DPP10: variants seen among roughly 807,000 people sequenced by gnomAD.
The protein encoded by DPP10 is inactive dipeptidyl peptidase 10.
Under a neutral mutation model 120.9 loss-of-function variants are expected in DPP10, and 33 were observed. The observed-to-expected ratio is 0.27, with a 90% confidence interval of 0.21 to 0.37. The LOEUF (loss-of-function observed/expected upper bound fraction) is 0.37, where lower values mean the gene tolerates loss of function less well. DPP10 is among the 10% of genes least tolerant of loss of function. The pLI is 1.00. For synonymous variants in DPP10, 337 were observed against 326.1 expected, an observed-to-expected ratio of 1.03 and a Z score of -0.36; for missense variants, 816 against 942.8, an observed-to-expected ratio of 0.87 and a Z score of 1.76.
intron 19 of DPP10, among the ~76,000 whole-genome samples, chr2:115,806,874 G>T (rs1193771518): frequency 6.6e-6 from 1 of 151,804 alleles, no homozygotes; most frequent in African/African-American, 2.4e-5. Context: ...CAAGCATGTA[G>T]AATATTTTCC....
At chr2:115,038,420 G>A (rs1286695302) in intron 1 of DPP10, among the ~76,000 whole-genome samples, 5 of 151,780 alleles carry the variant, frequency 3.3e-5, no homozygotes, top group African/African-American at 4.8e-5. Flanking sequence ...ACAGGCGCCC[G>A]CCACCACGCC....
intron 1 of DPP10, among the ~76,000 whole-genome samples, chr2:114,765,088 G>T (rs1319925469): frequency 6.6e-6 from 1 of 152,060 alleles, no homozygotes; most frequent in Non-Finnish European, 1.5e-5. Flanking sequence ...TATTCCAAAG[G>T]TTATGAGGGG....
chr2:115,016,108 G>A (rs1702614637), intron 1 of DPP10, among the ~76,000 whole-genome samples: 1 of 152,080 alleles, frequency 6.6e-6, no homozygotes, highest in South Asian at 2.1e-4. Context: ...TATACTACAA[G>A]GCTAAAGTAA....
At chr2:115,351,240 A>G (rs375500856) in intron 3 of DPP10, among the ~76,000 whole-genome samples, 2 of 152,136 alleles carry the variant, frequency 1.3e-5, no homozygotes, top group Admixed American at 1.3e-4. Context: ...TGCAGCAGGA[A>G]GCCATTATCC....
intron 1 of DPP10, among the ~76,000 whole-genome samples, chr2:114,879,692 A>T (rs1691449518): frequency 6.6e-6 from 1 of 152,042 alleles, no homozygotes; most frequent in African/African-American, 2.4e-5. Flanking sequence ...CTTGACAGAA[A>T]ATTGAAAGAA....
rs555955700 is a variant in DPP10, at chr2:115,783,842, G to A, written c.1531+1443G>A. 8.1e-4 allele frequency among the ~76,000 whole-genome samples: 123 copies of A among 152,176 alleles called. 1 individual carries two copies. The highest frequency in any genetic ancestry group is 3.4e-3 in the Middle Eastern group (1 of 294). On this transcript the variant is annotated intron_variant, in intron 17 of 25. Coordinates refer to ENST00000410059, the MANE Select transcript of DPP10 (RefSeq NM_020868.6). ...CTTTTTGTGGGATCCAAGACAGTGC[G>A]TTAACATCTCAAAACATCAGTGTCC...
At chr2:114,580,622 C>T (rs1346251190) in intron 1 of DPP10, among the ~76,000 whole-genome samples, 1 of 152,000 alleles carries the variant, frequency 6.6e-6, no homozygotes, top group African/African-American at 2.4e-5. Context: ...ACTTTGCCAG[C>T]TCCTGCCTGG....
intron 1 of DPP10, among the ~76,000 whole-genome samples, chr2:114,997,599 A>G (rs952092816): frequency 6.6e-6 from 1 of 152,222 alleles, no homozygotes; most frequent in Non-Finnish European, 1.5e-5. Flanking sequence ...CCAAATTCAT[A>G]TAATTTTACA....
chr2:114,762,795 A>G (rs545958681), intron 1 of DPP10, among the ~76,000 whole-genome samples: 1 of 152,324 alleles, frequency 6.6e-6, no homozygotes, highest in South Asian at 2.1e-4. Context: ...CCTGGACAAA[A>G]CAGTGAAAAG....
At chr2:115,355,921 GT>G (rs1167711234) in intron 3 of DPP10, among the ~76,000 whole-genome samples, 2 of 152,160 alleles carry the variant, frequency 1.3e-5, no homozygotes, top group Non-Finnish European at 2.9e-5. Flanking sequence ...CTATATGTCT[GT>G]TTTTGTAGCA....
At chr2:114,546,109 T>C (rs528391426) in intron 1 of DPP10, among the ~76,000 whole-genome samples, 353 of 152,182 alleles carry the variant, frequency 2.3e-3, no homozygotes, top group African/African-American at 8.1e-3. Context: ...CATTCCCCCC[T>C]GTATCAGTCC....
chr2:114,820,629 C>T (rs1006501748), intron 1 of DPP10, among the ~76,000 whole-genome samples: 2 of 152,172 alleles, frequency 1.3e-5, no homozygotes, highest in African/African-American at 4.8e-5. Context: ...CTTCACAGGG[C>T]ATCAGGAGAT....
chr2:115,099,675 T>C (rs919729209), intron 1 of DPP10, among the ~76,000 whole-genome samples: 3 of 152,306 alleles, frequency 2.0e-5, no homozygotes, highest in East Asian at 1.9e-4. Flanking sequence ...TCATGTATTA[T>C]ACTGTTGAGG....
intron 7 of DPP10, among the ~76,000 whole-genome samples, chr2:115,691,280 G>T (rs1233009596): frequency 2.0e-5 from 3 of 151,846 alleles, no homozygotes; most frequent in African/African-American, 7.3e-5. Flanking sequence ...TACATGATTT[G>T]TACTTTTTGT....
At chr2:115,617,294 A>ACT in intron 5 of DPP10, among the ~76,000 whole-genome samples, 1 of 146,188 alleles carries the variant, frequency 6.8e-6, no homozygotes, top group East Asian at 2.0e-4. Flanking sequence ...ATATATACAC[A>ACT]CATAGCATAT....
At chr2:115,286,932 G>T (rs1283231619) in intron 1 of DPP10, among the ~76,000 whole-genome samples, 1 of 151,952 alleles carries the variant, frequency 6.6e-6, no homozygotes, top group East Asian at 1.9e-4. Flanking sequence ...TAATATTTAA[G>T]TTTCCTGATT....
At chr2:114,875,808 A>G (rs1234425180) in intron 1 of DPP10, among the ~76,000 whole-genome samples, 1 of 152,156 alleles carries the variant, frequency 6.6e-6, no homozygotes, top group East Asian at 1.9e-4. Flanking sequence ...TATAATTTAG[A>G]GAGATACTTT....
chr2:115,038,613 G>T (rs995034699), intron 1 of DPP10, among the ~76,000 whole-genome samples: 36 of 151,966 alleles, frequency 2.4e-4, no homozygotes, highest in Non-Finnish European at 4.7e-4. Flanking sequence ...TTTGAGCCAG[G>T]GATTTAGATA....
intron 1 of DPP10, among the ~76,000 whole-genome samples, chr2:115,198,430 A>G (rs2055445687): frequency 6.6e-6 from 1 of 152,170 alleles, no homozygotes; most frequent in South Asian, 2.1e-4. Context: ...ATGTACTCAC[A>G]TATCTGAAAA....
Sources: gnomAD v4.1 joint callset for allele counts (sites outside exome capture counted in the v4.1 genomes callset) on GRCh38, gnomAD v4.1.1 for gene constraint, MANE v1.5 for transcripts, NCBI Gene and HGNC (gene_info 2026-07-23, HGNC 2026-07-21) for gene names.